Variants in OR4K2 observed in about 807,000 individuals in gnomAD.
OR4K2 encodes olfactory receptor 4K2.
OR4K2 carries 8 observed loss-of-function variants against 10.5 expected under a neutral mutation model. That is an observed-to-expected ratio of 0.76 (90% CI 0.45 to 1.37). The LOEUF is 1.37. Among genes scored for constraint, OR4K2 ranks in the 40% most tolerant of loss-of-function variants. The pLI is 0.00. For synonymous variants in OR4K2, 178 were observed against 133.6 expected, an observed-to-expected ratio of 1.33 and a Z score of -2.29; for missense variants, 547 against 379.5, an observed-to-expected ratio of 1.44 and a Z score of -3.67.
rs755197272 is a variant in OR4K2 at position 19,876,484 on chromosome 14, C to G, written c.217C>G (p.Leu73Val). ...CAATCTTTCAATCATTGATATGTCT[C>G]TTGCTTCTTTCGCCACCCCAAAGAT... ...LTNLSIIDMS[L>V]ASFATPKMIT... Residue 73 changes from leucine (L) to valine (V), a missense_variant, in exon 2 of 2, where the codon CTT (leucine) becomes GTT (valine). Leu to Val is a conservative substitution (Grantham distance 32). Coordinates refer to ENST00000641885, the MANE Select transcript of OR4K2 (RefSeq NM_001005501.2). 6.2e-7 allele frequency: 1 copy of G among 1,614,168 alleles called. No homozygotes were observed. The highest frequency in any genetic ancestry group is 8.5e-7 in the Non-Finnish European group (1 of 1,179,986).
rs1880883878 is a variant in OR4K2, at chr14:19,875,990, T to A, written c.-168T>A. ...TATGTCTGTTCAGAATGATATTATC[T>A]TGGTTGGATTGCCATTAGTATCAGA... is the stretch of plus-strand genomic sequence containing the variant. On this transcript the variant is annotated 5_prime_UTR_variant, in exon 1 of 2. The change creates a new upstream start codon in the 5' untranslated region. Transcript: ENST00000641885. 4.9e-6 allele frequency: 2 copies of A among 406,812 alleles called. No individual in the cohort carries two copies. The highest frequency in any genetic ancestry group is 9.0e-5 in the East Asian group (2 of 22,178). 25.2% of individuals were successfully genotyped at this position (406,812 alleles called of 1,614,324 possible).
In OR4K2 at chr14:19,881,340, G is replaced by A. The variant is rs1190082715; in HGVS notation, c.*4128G>A. ...GTTTGGAATTATTTTTAATGCTCTT[G>A]GTTACACCATGAGGTAAATATGCAC... On this transcript the variant is annotated 3_prime_UTR_variant, in exon 2 of 2. Coordinates refer to ENST00000641885, the MANE Select transcript of OR4K2 (RefSeq NM_001005501.2). 1 of 152,160 alleles carries A rather than the reference G, an allele frequency of 6.6e-6. No individual in the cohort carries two copies. The highest frequency in any genetic ancestry group is 1.5e-5 in the Non-Finnish European group (1 of 68,026). 9.4% of individuals were successfully genotyped at this position (152,160 alleles called of 1,614,324 possible). A position where few individuals can be genotyped will look rare whatever the true frequency, so the allele number is the denominator to read the frequency against.
rs1880974838 is a variant in OR4K2, at chr14:19,878,938, C to T, written c.*1726C>T. On this transcript the variant is annotated 3_prime_UTR_variant, in exon 2 of 2. Transcript: ENST00000641885. ...TCTTTTACTTGACATATTTCTTTGT[C>T]CAGGGAATATTTTCAAAACTGTGCT... 1 of 152,180 alleles carries T rather than the reference C, an allele frequency of 6.6e-6. No individual in the cohort carries two copies. Among genetic ancestry groups the T allele is most frequent in the African/African-American group, 2.4e-5 (1 of 41,450 alleles). 9.4% of individuals were successfully genotyped at this position (152,180 alleles called of 1,614,324 possible). A position where few individuals can be genotyped will look rare whatever the true frequency, so the allele number is the denominator to read the frequency against.
chr14:19,876,516 A>G lies in OR4K2; in HGVS notation c.249A>G (p.Thr83=). The G allele has an allele frequency of 6.2e-7, 1 of 1,614,194 alleles. No homozygotes were observed. The highest frequency in any genetic ancestry group is 8.5e-7 in the Non-Finnish European group (1 of 1,179,996). The change falls in exon 2 of 2, where the codon ACA becomes ACG. Residue 83 remains threonine, a synonymous_variant. Coordinates refer to ENST00000641885, the MANE Select transcript of OR4K2 (RefSeq NM_001005501.2). ...LASFATPKMI[T]DYLTGHKTIS... Reference sequence around the variant, plus strand: ...CTTTCGCCACCCCAAAGATGATTACAGATTACCTAACAGGTCACAAAACCA... The same window carrying G: ...CTTTCGCCACCCCAAAGATGATTACGGATTACCTAACAGGTCACAAAACCA...
rs1352558805 is a variant in OR4K2 at position 19,881,590 on chromosome 14, A to G, written c.*4378A>G. Reference sequence around the variant, plus strand: ...TTTACTCTGATAATTTACACTGCCAATATAAGGAGATGAATACCTATTTTT... The same window carrying G: ...TTTACTCTGATAATTTACACTGCCAGTATAAGGAGATGAATACCTATTTTT... On this transcript the variant is annotated 3_prime_UTR_variant, in exon 2 of 2. Coordinates refer to ENST00000641885, the MANE Select transcript of OR4K2 (RefSeq NM_001005501.2). 2.0e-5 allele frequency: 3 copies of G among 152,038 alleles called. No individual in the cohort carries two copies. The highest frequency in any genetic ancestry group is 4.8e-5 in the African/African-American group (2 of 41,364). The allele number at this position is 152,038 out of a possible 1,614,324, so 9.4% of individuals were successfully genotyped here.
In OR4K2 at chr14:19,876,339, G is replaced by C. The variant is rs139473755; in HGVS notation, c.72G>C (p.Gln24His). ...GGCTCTCTAATTCCTGGGAACTACA[G>C]ATGTTTTTCTTTATGGTGTTTTCAT... Reference protein sequence around the residue: ...LLGLSNSWELQMFFFMVFSLL... With the variant: ...LLGLSNSWELHMFFFMVFSLL... The change falls in exon 2 of 2, where the codon CAG becomes CAC. Residue 24 changes from glutamine to histidine, a missense_variant. By Grantham distance (24) the Gln-to-His change is conservative. Coordinates refer to ENST00000641885, the MANE Select transcript of OR4K2 (RefSeq NM_001005501.2). 1 of 1,612,748 alleles carries C rather than the reference G, an allele frequency of 6.2e-7. No homozygotes were observed. Among genetic ancestry groups the C allele is most frequent in the East Asian group, 2.2e-5 (1 of 44,776 alleles).
rs1307399966 is a variant in OR4K2 at position 19,883,297 on chromosome 14, C to T, written c.*6085C>T. 1 of 152,258 alleles carries T rather than the reference C, an allele frequency of 6.6e-6. No individual in the cohort carries two copies. Among genetic ancestry groups the T allele is most frequent in the African/African-American group, 2.4e-5 (1 of 41,448 alleles). The allele number at this position is 152,258 out of a possible 1,614,324, so 9.4% of individuals were successfully genotyped here. A position where few individuals can be genotyped will look rare whatever the true frequency, so the allele number is the denominator to read the frequency against. ...CTGTTGTTGCTGTAGTAGTTGATAT[C>T]TCTAACCATTTTTGTTGGCTGAAGC... On this transcript the variant is annotated 3_prime_UTR_variant, in exon 2 of 2. Transcript: ENST00000641885.
Position 19,881,502 on chromosome 14 carries a change from AAAAC to A in OR4K2, c.*4298_*4301del, listed in dbSNP as rs1261541969. The A allele has an allele frequency of 2.0e-5, 3 of 152,186 alleles. No individual in the cohort carries two copies. Among genetic ancestry groups the A allele is most frequent in the Non-Finnish European group, 4.4e-5 (3 of 68,028 alleles). The allele number at this position is 152,186 out of a possible 1,614,324, so 9.4% of individuals were successfully genotyped here. On this transcript the variant is annotated 3_prime_UTR_variant, in exon 2 of 2. Transcript: ENST00000641885. ...GTTATTTTTTCTCTTTGATTTTTGT[AAAAC>A]AAACAAATAAATTCCAATATCTAGT...
Position 19,877,117 on chromosome 14 carries a change from C to T in OR4K2, c.850C>T (p.Pro284Ser), listed in dbSNP as rs773638455. The change falls in exon 2 of 2, where the codon CCA becomes TCA. Residue 284 changes from proline to serine, a missense_variant. By Grantham distance (74) the Pro-to-Ser change is moderately conservative (BLOSUM62 -1). Coordinates refer to ENST00000641885, the MANE Select transcript of OR4K2 (RefSeq NM_001005501.2). ...FYTIFTPTLNPIIYTLRNQEV... is the reference protein window; with the variant it reads ...FYTIFTPTLNSIIYTLRNQEV... ...TACCATCTTTACTCCCACTCTGAAC[C>T]CAATAATCTATACTTTGAGGAATCA... 13 of 1,606,774 alleles carry T rather than the reference C, an allele frequency of 8.1e-6. No homozygotes were observed. The highest frequency in any genetic ancestry group is 1.1e-5 in the South Asian group (1 of 91,060).
chr14:19,876,902 T>C lies in OR4K2; in HGVS notation c.635T>C (p.Ile212Thr), dbSNP rs765866386. The C allele has an allele frequency of 5.0e-6, 8 of 1,614,208 alleles. No individual in the cohort carries two copies. The highest frequency in any genetic ancestry group is 6.8e-6 in the Non-Finnish European group (8 of 1,180,016). The change falls in exon 2 of 2, where the codon ATT becomes ACT. Residue 212 changes from isoleucine to threonine, a missense_variant. Physicochemically the swap from Ile to Thr is moderately conservative, Grantham distance 89. Coordinates refer to ENST00000641885, the MANE Select transcript of OR4K2 (RefSeq NM_001005501.2). Reference sequence around the variant, plus strand: ...GGCATAATTGCGTTGTCCTGTTTTATTGTTTTATTTAATTCATATGTTATT... The same window carrying C: ...GGCATAATTGCGTTGTCCTGTTTTACTGTTTTATTTAATTCATATGTTATT... ...TSGIIALSCF[I>T]VLFNSYVIVL...
rs748685720 is a variant in OR4K2, at chr14:19,877,113, G to C, written c.846G>C (p.Leu282=). 1.2e-6 allele frequency: 2 copies of C among 1,607,260 alleles called. No homozygotes were observed. The highest frequency in any genetic ancestry group is 1.7e-6 in the Non-Finnish European group (2 of 1,179,816). The change falls in exon 2 of 2, where the codon CTG becomes CTC. Residue 282 remains leucine (L), a synonymous_variant. Coordinates refer to ENST00000641885, the MANE Select transcript of OR4K2 (RefSeq NM_001005501.2). ...TTTATACCATCTTTACTCCCACTCTGAACCCAATAATCTATACTTTGAGGA... is the reference window on the plus strand; with the variant it reads ...TTTATACCATCTTTACTCCCACTCTCAACCCAATAATCTATACTTTGAGGA... ...SVFYTIFTPT[L]NPIIYTLRNQ... is the part of the protein sequence containing the mutation.
In OR4K2 at chr14:19,875,964, G is replaced by C. The variant is rs1044646236; in HGVS notation, c.-194G>C. The C allele has an allele frequency of 2.9e-6, 1 of 341,202 alleles. No homozygotes were observed. Among genetic ancestry groups the C allele is most frequent in the Non-Finnish European group, 5.3e-6 (1 of 187,104 alleles). 21.1% of individuals were successfully genotyped at this position (341,202 alleles called of 1,614,324 possible). ...GATGAATAGATGGACAAATAGGTAGGTATGTCTGTTCAGAATGATATTATC... is the reference window on the plus strand; with the variant it reads ...GATGAATAGATGGACAAATAGGTAGCTATGTCTGTTCAGAATGATATTATC... On this transcript the variant is annotated 5_prime_UTR_variant, in exon 1 of 2. Coordinates refer to ENST00000641885, the MANE Select transcript of OR4K2 (RefSeq NM_001005501.2).
chr14:19,883,932 C>G lies in OR4K2; in HGVS notation c.*6720C>G, dbSNP rs910069272. 2 of 152,212 alleles carry G rather than the reference C, an allele frequency of 1.3e-5. No individual in the cohort carries two copies. Among genetic ancestry groups the G allele is most frequent in the Admixed American group, 6.5e-5 (1 of 15,280 alleles). The allele number at this position is 152,212 out of a possible 1,614,324, so 9.4% of individuals were successfully genotyped here. A position where few individuals can be genotyped will look rare whatever the true frequency, so the allele number is the denominator to read the frequency against. On this transcript the variant is annotated 3_prime_UTR_variant, in exon 2 of 2. Transcript: ENST00000641885. ...CACACATGGAGAAAAAAAGTCTGCA[C>G]TTATAAAGCAATTATGCTACAAAAC... is the stretch of plus-strand genomic sequence containing the variant.
Position 19,879,736 on chromosome 14 carries a change from A to G in OR4K2, c.*2524A>G, listed in dbSNP as rs1880993023. On this transcript the variant is annotated 3_prime_UTR_variant, in exon 2 of 2. Coordinates refer to ENST00000641885, the MANE Select transcript of OR4K2 (RefSeq NM_001005501.2). The stretch of plus-strand genomic sequence containing the variant: ...GTAATAGCAATAAAAACTACAAATT[A>G]TGTTTGTTTCTAAAAATGCTTAAGA... The G allele has an allele frequency of 6.6e-6, 1 of 152,258 alleles. No individual in the cohort carries two copies. The highest frequency in any genetic ancestry group is 6.5e-5 in the Admixed American group (1 of 15,282). 9.4% of individuals were successfully genotyped at this position (152,258 alleles called of 1,614,324 possible).
In OR4K2 at chr14:19,876,230, TTTTTC is replaced by T; in HGVS notation, c.-23-14_-23-10del. 6 of 1,136,988 alleles carry T rather than the reference TTTTTC, an allele frequency of 5.3e-6. No homozygotes were observed. The highest frequency in any genetic ancestry group is 5.7e-5 in the Admixed American group (2 of 35,284). The allele number at this position is 1,136,988 out of a possible 1,614,324, so 70.4% of individuals were successfully genotyped here. ...CTGACTTTCCTTTTTTTTTTTTTTT[TTTTTC>T]GTGATACAGGCTTCTGCCTATGAAT... is the stretch of plus-strand genomic sequence containing the variant. On this transcript the variant is annotated splice_polypyrimidine_tract_variant and intron_variant, in intron 1 of 1. Coordinates refer to ENST00000641885, the MANE Select transcript of OR4K2 (RefSeq NM_001005501.2).
In OR4K2 at chr14:19,881,689, G is replaced by A. The variant is rs1475885382; in HGVS notation, c.*4477G>A. On this transcript the variant is annotated 3_prime_UTR_variant, in exon 2 of 2. Coordinates refer to ENST00000641885, the MANE Select transcript of OR4K2 (RefSeq NM_001005501.2). ...ATTAGCCTTTTTATGACTACTAAATGCAAGACCACTGTTAATTCGCCTTTT... is the reference window on the plus strand; with the variant it reads ...ATTAGCCTTTTTATGACTACTAAATACAAGACCACTGTTAATTCGCCTTTT... 1 of 151,866 alleles carries A rather than the reference G, an allele frequency of 6.6e-6. No individual in the cohort carries two copies. The highest frequency in any genetic ancestry group is 6.6e-5 in the Admixed American group (1 of 15,236). 9.4% of individuals were successfully genotyped at this position (151,866 alleles called of 1,614,324 possible).
At position 19,878,641 on chromosome 14, in the gene OR4K2, T is replaced by A. The variant is rs1880968889; in HGVS notation, c.*1429T>A. The A allele has an allele frequency of 6.6e-6, 1 of 152,208 alleles. No individual in the cohort carries two copies. The highest frequency in any genetic ancestry group is 2.4e-5 in the African/African-American group (1 of 41,470). The allele number at this position is 152,208 out of a possible 1,614,324, so 9.4% of individuals were successfully genotyped here. ...GTACTAAGCAAATAAGGAAAAAACT[T>A]ACAGCTTGAAAGTCTGTGATACTGT... On this transcript the variant is annotated 3_prime_UTR_variant, in exon 2 of 2. Transcript: ENST00000641885.
chr14:19,881,722 T>G lies in OR4K2; in HGVS notation c.*4510T>G, dbSNP rs1362853584. Reference sequence around the variant, plus strand: ...ACTGTTAATTCGCCTTTTTTCTTTGTGTTTTAACTGTACTAGGAATCTGAA... The same window carrying G: ...ACTGTTAATTCGCCTTTTTTCTTTGGGTTTTAACTGTACTAGGAATCTGAA... On this transcript the variant is annotated 3_prime_UTR_variant, in exon 2 of 2. Transcript: ENST00000641885. The G allele has an allele frequency of 6.6e-6, 1 of 152,086 alleles. No individual in the cohort carries two copies. The highest frequency in any genetic ancestry group is 1.5e-5 in the Non-Finnish European group (1 of 68,012). The allele number at this position is 152,086 out of a possible 1,614,324, so 9.4% of individuals were successfully genotyped here. A position where few individuals can be genotyped will look rare whatever the true frequency, so the allele number is the denominator to read the frequency against.
At position 19,878,527 on chromosome 14, in the gene OR4K2, A is replaced by G. The variant is rs1333595255; in HGVS notation, c.*1315A>G. ...TTATCATTTATGAAAGATAATTAAA[A>G]CAGAAAATCCTTAGATGTTCATATT... On this transcript the variant is annotated 3_prime_UTR_variant, in exon 2 of 2. Transcript: ENST00000641885. The G allele has an allele frequency of 2.6e-5, 4 of 152,218 alleles. No individual in the cohort carries two copies. Among genetic ancestry groups the G allele is most frequent in the Non-Finnish European group, 5.9e-5 (4 of 68,006 alleles). 9.4% of individuals were successfully genotyped at this position (152,218 alleles called of 1,614,324 possible). A position where few individuals can be genotyped will look rare whatever the true frequency, so the allele number is the denominator to read the frequency against.
Sources: gnomAD v4.1 joint callset for allele counts on GRCh38, gnomAD v4.1.1 for gene constraint, MANE v1.5 for transcripts, NCBI Gene and HGNC (gene_info 2026-07-23, HGNC 2026-07-21) for gene names.